NFATC1: variants seen among roughly 807,000 people sequenced by gnomAD.
NFATC1 encodes the protein nuclear factor of activated T cells 1.
In NFATC1, 22 loss-of-function variants were observed where a neutral mutation model predicts 76.0. The ratio of observed to expected loss-of-function variants is 0.29; its 90% CI spans 0.21 to 0.41. NFATC1 has a LOEUF of 0.41. Ranked by LOEUF, NFATC1 falls within the 10% of genes least tolerant of loss-of-function variation. The pLI is 1.00. For synonymous variants in NFATC1, 704 were observed against 613.1 expected (o/e 1.15, Z -2.19); for missense variants, 1,357 against 1,337.7 (o/e 1.01, Z -0.23).
At chr18:79,427,721 GC>G in intron 2 of NFATC1, among the ~76,000 whole-genome samples, 1 of 100,124 alleles carries the variant, frequency 1.0e-5, no homozygotes, top group Non-Finnish European at 2.1e-5. Context: ...TTGGGGGGGT[GC>G]TGGACGGCTG....
chr18:79,447,594 G>T (rs1447144291), intron 3 of NFATC1, among the ~76,000 whole-genome samples: 2 of 152,184 alleles, frequency 1.3e-5, no homozygotes, highest in Non-Finnish European at 2.9e-5. Flanking sequence ...TGAGGCTGGC[G>T]CTCATCGGGC....
At chr18:79,480,536 C>A (rs2089235957) in intron 8 of NFATC1, among the ~76,000 whole-genome samples, 1 of 152,192 alleles carries the variant, frequency 6.6e-6, no homozygotes, top group Admixed American at 6.5e-5. Context: ...CCCTCGCCAC[C>A]ACCATCCTAG....
At chr18:79,468,145 C>T (rs550450848) in intron 8 of NFATC1, 3 of 208,380 alleles carry the variant, frequency 1.4e-5, no homozygotes, top group South Asian at 3.4e-4. Context: ...CTGCCCCTCA[C>T]CCGCCGTGGG....
chr18:79,496,312 A>G (rs1483411353), intron 9 of NFATC1: 2 of 152,448 alleles, frequency 1.3e-5, no homozygotes, highest in African/African-American at 2.4e-5. Context: ...AGCATGTCGC[A>G]CTGATGTGCT....
At chr18:79,402,739 C>T (rs959838486) in intron 1 of NFATC1, among the ~76,000 whole-genome samples, 1 of 152,242 alleles carries the variant, frequency 6.6e-6, no homozygotes, top group Non-Finnish European at 1.5e-5. Context: ...TGTGTTTTCC[C>T]GTGAGACACC....
At chr18:79,450,784 C>T (rs1230160507) in intron 4 of NFATC1, among the ~76,000 whole-genome samples, 170 bp from the exon 5 acceptor site, 1 of 152,234 alleles carries the variant, frequency 6.6e-6, no homozygotes, top group East Asian at 1.9e-4. Context: ...AGGCAAGGGC[C>T]TCACGTCGCT....
At chr18:79,455,346 G>A (rs1038089514) in intron 6 of NFATC1, among the ~76,000 whole-genome samples, 20 of 152,128 alleles carry the variant, frequency 1.3e-4, no homozygotes, top group Non-Finnish European at 2.6e-4. Context: ...TTCTGTGGCC[G>A]CCGTGACTGG....
In NFATC1 at chr18:79,495,775, CATT is replaced by C. The variant is rs1445424385; in HGVS notation, c.2782+8839_2782+8841del. Among the ~76,000 whole-genome samples, 4 of 151,128 alleles carry C rather than the reference CATT, an allele frequency of 2.6e-5. No homozygotes were observed. In the South Asian group the frequency reaches 8.4e-4, roughly 32 times the overall value. On this transcript the variant is annotated intron_variant, in intron 9 of 9. Coordinates refer to ENST00000427363, the MANE Select transcript of NFATC1 (RefSeq NM_001278669.2). ...GAACAGTGGTAAGGCGTTCGCGAGTCATTGTAACGTAGGCAGGCCGTGAACAGT... is the reference window on the plus strand; with the variant it reads ...GAACAGTGGTAAGGCGTTCGCGAGTCGTAACGTAGGCAGGCCGTGAACAGT...
intron 2 of NFATC1, among the ~76,000 whole-genome samples, chr18:79,427,764 C>T (rs1260194926): frequency 3.1e-5 from 2 of 65,062 alleles, no homozygotes; most frequent in Non-Finnish European, 2.6e-5. Context: ...GGGTGCTGGA[C>T]GGCTGGTCTT....
chr18:79,457,106 C>T (rs984693961), intron 6 of NFATC1, among the ~76,000 whole-genome samples: 10 of 152,200 alleles, frequency 6.6e-5, no homozygotes, highest in Admixed American at 4.6e-4. Context: ...CCGTGTGCTC[C>T]GAGAGAGGAG....
Position 79,486,710 on chromosome 18 carries a change from C to T in NFATC1, c.2555C>T (p.Pro852Leu), listed in dbSNP as rs769780193. Residue 852 changes from proline to leucine, a missense_variant, in exon 9 of 10, where the codon CCG becomes CTG. Coordinates refer to ENST00000427363, the MANE Select transcript of NFATC1 (RefSeq NM_001278669.2). ...LCPSSPSPPL[P>L]PATQEPTCLQ... ...CCCAGCAGCCCCTCTCCTCCACTCC[C>T]GCCTGCCACCCAAGAGCCGACCTGC... The T allele has an allele frequency of 1.5e-5, 24 of 1,597,850 alleles. No homozygotes were observed. The Admixed American group carries it at 2.0e-4, about 14-fold the overall frequency.
chr18:79,474,170 G>A lies in NFATC1; in HGVS notation c.2092+6588G>A, dbSNP rs192841425. Among the ~76,000 whole-genome samples, 229 of 124,388 alleles carry A rather than the reference G, an allele frequency of 1.8e-3. 10 individuals are homozygous for A. Among genetic ancestry groups the A allele is most frequent in the African/African-American group, 7.6e-3 (220 of 28,958 alleles). 81.6% of individuals were successfully genotyped at this position (124,388 alleles called of 152,430 possible). The stretch of plus-strand genomic sequence containing the variant: ...AAACCTGAGGGAAGCGTGTTCTCAC[G>A]CTCGCTGTCGACGTAAACCTGAGGG... On this transcript the variant is annotated intron_variant, in intron 8 of 9. Coordinates refer to ENST00000427363, the MANE Select transcript of NFATC1 (RefSeq NM_001278669.2).
rs565192105 is a variant in NFATC1, at chr18:79,488,931, G to A, written c.2782+1994G>A. ...CCCTGTGGCCCACGTGTGGCTTTAT[G>A]GCGAGGGTAGAGTTCGGGGTGGGAC... On this transcript the variant is annotated intron_variant, in intron 9 of 9. Transcript: ENST00000427363. 5.9e-5 allele frequency among the ~76,000 whole-genome samples: 9 copies of A among 152,316 alleles called. No individual in the cohort carries two copies. The East Asian group carries it at 1.4e-3, about 23-fold the overall frequency.
intron 8 of NFATC1, among the ~76,000 whole-genome samples, chr18:79,479,134 G>C (rs538334380): frequency 6.6e-6 from 1 of 152,378 alleles, no homozygotes; most frequent in South Asian, 2.1e-4. Context: ...TCTTTGTAAC[G>C]AGTTTCATAA....
intron 8 of NFATC1, chr18:79,469,470 C>T (rs961024014): frequency 5.6e-5 from 55 of 985,440 alleles, no homozygotes; most frequent in African/African-American, 1.2e-4. Context: ...AGCATGAAGC[C>T]GGTGGGGCTG....
chr18:79,476,239 A>G (rs1253093774), intron 8 of NFATC1, among the ~76,000 whole-genome samples: 1 of 152,236 alleles, frequency 6.6e-6, no homozygotes, highest in Non-Finnish European at 1.5e-5. Context: ...GTCCACGTGC[A>G]GCCGCCTCCG....
At chr18:79,480,574 G>C (rs1007118143) in intron 8 of NFATC1, among the ~76,000 whole-genome samples, 3 of 152,190 alleles carry the variant, frequency 2.0e-5, no homozygotes, top group African/African-American at 4.8e-5. Context: ...AAGAATCCAA[G>C]TGGCTGGAGA....
intron 9 of NFATC1, among the ~76,000 whole-genome samples, chr18:79,488,082 G>T (rs958561231): frequency 2.4e-4 from 37 of 152,302 alleles, no homozygotes; most frequent in African/African-American, 6.7e-4. Context: ...TGACCCAGGG[G>T]GGGCAGGGAC....
chr18:79,506,406 T>C lies in NFATC1; in HGVS notation c.2782+19469T>C, dbSNP rs539161201. On this transcript the variant is annotated intron_variant, in intron 9 of 9. Transcript: ENST00000427363. ...GTGACCAGGCCTCTCCCAGGGACCCTCTGTGCTGGCCCGGCACCTGCTCTG... is the reference window on the plus strand; with the variant it reads ...GTGACCAGGCCTCTCCCAGGGACCCCCTGTGCTGGCCCGGCACCTGCTCTG... Among the ~76,000 whole-genome samples the C allele has an allele frequency of 2.0e-5, 3 of 152,322 alleles. No homozygotes were observed. The East Asian group carries it at 5.8e-4, about 29-fold the overall frequency.
Sources: gnomAD v4.1 joint callset for allele counts (sites outside exome capture counted in the v4.1 genomes callset) on GRCh38, gnomAD v4.1.1 for gene constraint, MANE v1.5 for transcripts, NCBI Gene and HGNC (gene_info 2026-07-23, HGNC 2026-07-21) for gene names.